The following DAD1 variants were observed in gnomAD, a reference collection of about 807,000 sequenced individuals.
The protein encoded by DAD1 is dolichyl-diphosphooligosaccharide--protein glycosyltransferase subunit DAD1.
A neutral mutation model predicts 9.0 loss-of-function variants in DAD1; 4 were observed. The ratio of observed to expected loss-of-function variants is 0.44; its 90% CI spans 0.22 to 1.01. DAD1 has a LOEUF of 1.01. DAD1 is among the 50% of genes least tolerant of loss of function. The probability of loss-of-function intolerance (pLI) is 0.24; values close to 1 mark genes in which losing one functional copy is unlikely to be tolerated. For missense variants in DAD1, 119 were observed against 137.3 expected, an observed-to-expected ratio of 0.87 and a Z score of 0.67; for synonymous variants, 60 against 62.5, an observed-to-expected ratio of 0.96 and a Z score of 0.19.
chr14:22,574,345 T>C (rs74327756), intron 2 of DAD1, among the ~76,000 whole-genome samples: 13,948 of 152,076 alleles, frequency 0.092, 1,159 homozygotes, highest in African/African-American at 0.22. Context: ...GGGAGCGATT[T>C]AGGGGAGGGC....
At chr14:22,575,275 T>C in intron 1 of DAD1, 42 bp from the exon 2 acceptor site, 1 of 1,600,176 alleles carries the variant, frequency 6.2e-7, no homozygotes, top group Non-Finnish European at 8.5e-7. Flanking sequence ...TATATAGAAG[T>C]ATAAAATAAA....
At chr14:22,580,824 C>T (rs898616558) in intron 1 of DAD1, among the ~76,000 whole-genome samples, 1 of 152,116 alleles carries the variant, frequency 6.6e-6, no homozygotes, top group Non-Finnish European at 1.5e-5. Context: ...CCAAAGTATA[C>T]TCACCACTTA....
intron 2 of DAD1, among the ~76,000 whole-genome samples, chr14:22,573,012 T>C (rs1020168117): frequency 2.0e-5 from 3 of 152,218 alleles, no homozygotes; most frequent in Non-Finnish European, 4.4e-5. Context: ...AGATAACTCA[T>C]CTGCTGTCCC....
chr14:22,571,122 C>T (rs2037036034), intron 2 of DAD1, among the ~76,000 whole-genome samples: 3 of 151,216 alleles, frequency 2.0e-5, no homozygotes, highest in Admixed American at 2.0e-4. Context: ...AGGAGTTCAA[C>T]ACCAGCCTAG....
intron 2 of DAD1, among the ~76,000 whole-genome samples, chr14:22,574,786 G>A (rs1407703325): frequency 2.0e-5 from 3 of 152,102 alleles, no homozygotes; most frequent in Non-Finnish European, 4.4e-5. Context: ...AGTTATTTTC[G>A]TGGAGTTATT....
intron 1 of DAD1, among the ~76,000 whole-genome samples, chr14:22,582,161 C>G (rs536524967): frequency 1.3e-5 from 2 of 151,306 alleles, no homozygotes; most frequent in Non-Finnish European, 2.9e-5. Context: ...GAGCTGAGAT[C>G]GCGCCACTGC....
chr14:22,577,744 G>T (rs1026082057), intron 1 of DAD1, among the ~76,000 whole-genome samples: 11 of 152,204 alleles, frequency 7.2e-5, no homozygotes, highest in Admixed American at 7.2e-4. Context: ...CCTAGAAACA[G>T]AAAGTGGAAT....
At chr14:22,568,089 G>A (rs1439172550) in intron 2 of DAD1, among the ~76,000 whole-genome samples, 3 of 151,958 alleles carry the variant, frequency 2.0e-5, no homozygotes, top group African/African-American at 7.3e-5. Context: ...GGAATATAAA[G>A]GTTTAGAGTC....
At chr14:22,567,030 AACTG>A (rs1245142776) in intron 2 of DAD1, 1 of 152,236 alleles carries the variant, frequency 6.6e-6, no homozygotes, top group Non-Finnish European at 1.5e-5. Context: ...GGTTTCAGGA[AACTG>A]ACTAATAAAA....
intron 1 of DAD1, among the ~76,000 whole-genome samples, chr14:22,587,704 G>A (rs534497565): frequency 2.7e-4 from 41 of 151,824 alleles, no homozygotes; most frequent in African/African-American, 8.2e-4. Flanking sequence ...GCATTCTATA[G>A]GTCTGTAACT....
chr14:22,573,880 T>C (rs1266633994), intron 2 of DAD1, among the ~76,000 whole-genome samples: 1 of 152,178 alleles, frequency 6.6e-6, no homozygotes, highest in Non-Finnish European at 1.5e-5. Context: ...AAATGACTAA[T>C]TCATGTCAGA....
chr14:22,586,101 G>A (rs1022922339), intron 1 of DAD1, among the ~76,000 whole-genome samples: 2 of 152,004 alleles, frequency 1.3e-5, no homozygotes, highest in African/African-American at 2.4e-5. Flanking sequence ...AGCTACTCAG[G>A]AGGCTGAGGC....
intron 2 of DAD1, among the ~76,000 whole-genome samples, chr14:22,568,813 T>A (rs770526761): frequency 6.6e-6 from 1 of 151,008 alleles, no homozygotes; most frequent in Non-Finnish European, 1.5e-5. Flanking sequence ...TCCTTCCACC[T>A]CAGCCTTCTG....
At chr14:22,567,915 A>T (rs1452484353) in intron 2 of DAD1, among the ~76,000 whole-genome samples, 1 of 152,140 alleles carries the variant, frequency 6.6e-6, no homozygotes, top group African/African-American at 2.4e-5. Context: ...TCTCTGCCAA[A>T]TTTTTCCCAT....
chr14:22,577,052 C>T (rs5742784), intron 1 of DAD1, among the ~76,000 whole-genome samples: 14,010 of 152,220 alleles, frequency 0.092, 1,188 homozygotes, highest in African/African-American at 0.22. Context: ...AAAAACAGTA[C>T]TGCGTTTCCT....
At chr14:22,585,036 G>A (rs1376502063) in intron 1 of DAD1, among the ~76,000 whole-genome samples, 1 of 152,184 alleles carries the variant, frequency 6.6e-6, no homozygotes, top group Non-Finnish European at 1.5e-5. Flanking sequence ...CTAATCTCTC[G>A]GATAACAGTT....
chr14:22,580,561 A>G (rs540873159), intron 1 of DAD1, among the ~76,000 whole-genome samples: 1 of 152,320 alleles, frequency 6.6e-6, no homozygotes, highest in African/African-American at 2.4e-5. Flanking sequence ...CACGGTGTTG[A>G]GTTTTGAGGA....
At chr14:22,582,207 A>AAAAAAT (rs1264125919) in intron 1 of DAD1, among the ~76,000 whole-genome samples, 4 of 148,352 alleles carry the variant, frequency 2.7e-5, no homozygotes, top group South Asian at 2.2e-4. Context: ...CTGCGTCTCA[A>AAAAAAT]AAAAATAAAA....
chr14:22,588,234 C>G (rs2037167289), intron 1 of DAD1, among the ~76,000 whole-genome samples: 1 of 152,200 alleles, frequency 6.6e-6, no homozygotes, highest in Non-Finnish European at 1.5e-5. Context: ...GCAGGTGATA[C>G]CAGTGATAGA....
Sources: gnomAD v4.1 joint callset for allele counts (sites outside exome capture counted in the v4.1 genomes callset) on GRCh38, gnomAD v4.1.1 for gene constraint, MANE v1.5 for transcripts, NCBI Gene and HGNC (gene_info 2026-07-23, HGNC 2026-07-21) for gene names.